The following FHIT variants were observed in gnomAD, a reference collection of about 807,000 sequenced individuals.
The protein encoded by FHIT is bis(5'-adenosyl)-triphosphatase.
Under a neutral mutation model 17.9 loss-of-function variants are expected in FHIT, and 19 were observed. The ratio of observed to expected loss-of-function variants is 1.06; its 90% CI spans 0.74 to 1.56. FHIT has a LOEUF of 1.56. Ranked by LOEUF, FHIT falls within the 40% of genes most tolerant of loss-of-function variation. The probability of loss-of-function intolerance (pLI) is 0.00; values close to 1 mark genes in which losing one functional copy is unlikely to be tolerated. For synonymous variants in FHIT, 81 were observed against 69.7 expected (o/e 1.16, Z -0.81); for missense variants, 248 against 189.2 (o/e 1.31, Z -1.82).
intron 2 of FHIT, among the ~76,000 whole-genome samples, chr3:61,070,693 G>C (rs898415184): frequency 6.6e-6 from 1 of 152,086 alleles, no homozygotes; most frequent in Non-Finnish European, 1.5e-5. Context: ...CACCTTTTGA[G>C]AGCATCTCTC....
intron 1 of FHIT, among the ~76,000 whole-genome samples, chr3:61,203,995 G>C (rs2039120759): frequency 6.6e-6 from 1 of 152,158 alleles, no homozygotes; most frequent in Non-Finnish European, 1.5e-5. Flanking sequence ...CATATTCTTA[G>C]AATGGAGTAT....
At chr3:61,145,957 C>T (rs1286483350) in intron 2 of FHIT, among the ~76,000 whole-genome samples, 1 of 151,852 alleles carries the variant, frequency 6.6e-6, no homozygotes, top group African/African-American at 2.4e-5. Context: ...TATTTTGTCC[C>T]CATCATACTT....
intron 4 of FHIT, chr3:60,730,149 C>G: frequency 2.2e-6 from 1 of 454,592 alleles, no homozygotes; most frequent in South Asian, 1.8e-5. Context: ...ACCGAAGGAC[C>G]ACTGGGCTGT....
At chr3:60,374,398 T>A (rs1466666172) in intron 5 of FHIT, among the ~76,000 whole-genome samples, 1 of 152,020 alleles carries the variant, frequency 6.6e-6, no homozygotes, top group Non-Finnish European at 1.5e-5. Context: ...TGCAATTCTG[T>A]AAGTTTTTAC....
At chr3:61,194,827 T>C (rs2038810571) in intron 2 of FHIT, among the ~76,000 whole-genome samples, 1 of 152,182 alleles carries the variant, frequency 6.6e-6, no homozygotes, top group Non-Finnish European at 1.5e-5. Flanking sequence ...GAAGCTCTAT[T>C]AACACCAAAA....
chr3:60,661,789 G>A (rs1005063895), intron 4 of FHIT, among the ~76,000 whole-genome samples: 3 of 152,120 alleles, frequency 2.0e-5, no homozygotes, highest in African/African-American at 4.8e-5. Context: ...TGACTCGCAT[G>A]TTCCTAATAA....
At chr3:59,935,583 C>G (rs145877208) in intron 7 of FHIT, among the ~76,000 whole-genome samples, 1 of 152,000 alleles carries the variant, frequency 6.6e-6, no homozygotes, top group African/African-American at 2.4e-5. Flanking sequence ...TTCCCTAACC[C>G]TAGGTTCCTA....
intron 2 of FHIT, among the ~76,000 whole-genome samples, chr3:61,183,554 C>T (rs993739694): frequency 3.3e-5 from 5 of 152,164 alleles, no homozygotes; most frequent in Admixed American, 2.6e-4. Context: ...CAATCTTGGT[C>T]AACTTACCTA....
chr3:60,049,742 T>G (rs35066861), intron 5 of FHIT, among the ~76,000 whole-genome samples: 18,654 of 152,206 alleles, frequency 0.12, 1,346 homozygotes, highest in African/African-American at 0.19. Context: ...CTACTAAAAA[T>G]CTTTAAATTA....
chr3:60,820,733 G>A (rs1701894712), intron 4 of FHIT, among the ~76,000 whole-genome samples: 1 of 152,176 alleles, frequency 6.6e-6, no homozygotes, highest in African/African-American at 2.4e-5. Context: ...GCAGGAAAAG[G>A]AATACAGTAT....
At chr3:60,551,960 A>G (rs866391538) in intron 4 of FHIT, among the ~76,000 whole-genome samples, 11 of 152,166 alleles carry the variant, frequency 7.2e-5, no homozygotes, top group Admixed American at 2.0e-4. Flanking sequence ...CCCCCAAAAG[A>G]GAAACCATTT....
At chr3:60,733,908 A>G (rs979432838) in intron 4 of FHIT, among the ~76,000 whole-genome samples, 6 of 152,196 alleles carry the variant, frequency 3.9e-5, no homozygotes, top group African/African-American at 1.4e-4. Flanking sequence ...TACTTGATGC[A>G]TTTCTGGATC....
intron 5 of FHIT, among the ~76,000 whole-genome samples, chr3:60,283,175 C>T (rs972464026): frequency 6.6e-6 from 1 of 151,964 alleles, no homozygotes; most frequent in African/African-American, 2.4e-5. Context: ...GCTAAAATTC[C>T]TTTCACTGGA....
chr3:59,855,333 C>T (rs1469478308), intron 8 of FHIT, among the ~76,000 whole-genome samples: 1 of 152,180 alleles, frequency 6.6e-6, no homozygotes, highest in Non-Finnish European at 1.5e-5. Context: ...ATCTTCTTGT[C>T]TCCAAGGTCA....
At chr3:60,423,249 T>C (rs1006701640) in intron 5 of FHIT, among the ~76,000 whole-genome samples, 7 of 152,078 alleles carry the variant, frequency 4.6e-5, no homozygotes, top group Admixed American at 1.3e-4. Context: ...AATTCAGATT[T>C]CACTGCACTG....
intron 5 of FHIT, among the ~76,000 whole-genome samples, chr3:60,242,360 C>G (rs933686895): frequency 5.9e-5 from 9 of 152,082 alleles, no homozygotes; most frequent in Admixed American, 5.2e-4. Context: ...TTTCTCAGTA[C>G]ATACTTACAT....
intron 3 of FHIT, among the ~76,000 whole-genome samples, chr3:60,924,397 C>T (rs1707463374): frequency 6.6e-6 from 1 of 152,134 alleles, no homozygotes; most frequent in Non-Finnish European, 1.5e-5. Flanking sequence ...ATTTGCTGTT[C>T]ACCAATATCC....
At chr3:60,860,186 TGA>T (rs1703602298) in intron 3 of FHIT, among the ~76,000 whole-genome samples, 6 of 97,132 alleles carry the variant, frequency 6.2e-5, no homozygotes, top group African/African-American at 1.9e-4. Flanking sequence ...ATGGTATACA[TGA>T]GATACATCAT....
intron 2 of FHIT, among the ~76,000 whole-genome samples, chr3:61,123,366 G>T (rs2106929507): frequency 6.6e-6 from 1 of 152,190 alleles, no homozygotes; most frequent in East Asian, 1.9e-4. Flanking sequence ...TGGGGCGCTA[G>T]GGTAAGGATA....
Sources: gnomAD v4.1 joint callset for allele counts (sites outside exome capture counted in the v4.1 genomes callset) on GRCh38, gnomAD v4.1.1 for gene constraint, MANE v1.5 for transcripts, NCBI Gene and HGNC (gene_info 2026-07-23, HGNC 2026-07-21) for gene names.